Variants in UCMA observed in about 807,000 individuals in gnomAD.
UCMA encodes the protein upper zone of growth plate and cartilage matrix-associated protein.
UCMA carries 21 observed loss-of-function variants against 21.8 expected under a neutral mutation model. That is an observed-to-expected ratio of 0.97 (90% CI 0.68 to 1.39). The LOEUF is 1.39. Ranked by LOEUF, UCMA falls within the 40% of genes most tolerant of loss-of-function variation. UCMA has a pLI of 0.00. For missense variants in UCMA, 193 were observed against 178.9 expected (o/e 1.08, Z -0.45); for synonymous variants, 76 against 67.9 (o/e 1.12, Z -0.58).
rs138538694 is a variant in UCMA at position 13,234,304 on chromosome 10, G to A, written c.-46C>T. 5.4e-5 allele frequency: 86 copies of A among 1,602,692 alleles called. No individual in the cohort carries two copies. The African/African-American group carries it at 9.4e-4, about 17-fold the overall frequency. Reference sequence around the variant, plus strand: ...CGTCCAGGACCCACAAGGCAGACCAGGCGTCCTGCACCCTTTGGGTCCCCA... The same window carrying A: ...CGTCCAGGACCCACAAGGCAGACCAAGCGTCCTGCACCCTTTGGGTCCCCA... On this transcript the variant is annotated 5_prime_UTR_variant, in exon 1 of 5. Transcript: ENST00000378681.
At chr10:13,225,832 G>A (rs534856841) in intron 4 of UCMA, among the ~76,000 whole-genome samples, 32 of 151,960 alleles carry the variant, frequency 2.1e-4, no homozygotes, top group Non-Finnish European at 3.1e-4. Flanking sequence ...GCAGAACCCC[G>A]TGCAACATTG....
At chr10:13,224,721 G>A (rs1474749969) in intron 4 of UCMA, among the ~76,000 whole-genome samples, 1 of 152,214 alleles carries the variant, frequency 6.6e-6, no homozygotes, top group Non-Finnish European at 1.5e-5. Context: ...ATGTTGCTTT[G>A]GTCCTTAGCA....
intron 1 of UCMA, among the ~76,000 whole-genome samples, 174 bp from the exon 2 acceptor site, chr10:13,233,974 T>C (rs1173041592): frequency 1.3e-5 from 2 of 152,030 alleles, no homozygotes; most frequent in Non-Finnish European, 2.9e-5. Context: ...CCAAGCAAGC[T>C]GGCTTGGGTT....
At chr10:13,231,834 TG>T (rs964025270) in intron 3 of UCMA, among the ~76,000 whole-genome samples, 2 of 152,218 alleles carry the variant, frequency 1.3e-5, no homozygotes, top group African/African-American at 4.8e-5. Context: ...GCCTGTCTCC[TG>T]GTTCCAAATT....
chr10:13,228,773 T>A (rs750224379), intron 4 of UCMA, among the ~76,000 whole-genome samples: 1 of 152,012 alleles, frequency 6.6e-6, no homozygotes, highest in Non-Finnish European at 1.5e-5. Flanking sequence ...AGTGCGGTGA[T>A]GCCCAAATAG....
Position 13,230,514 on chromosome 10 carries a change from G to A in UCMA, c.221-805C>T, listed in dbSNP as rs894882828. On this transcript the variant is annotated intron_variant, in intron 3 of 4. Coordinates refer to ENST00000378681, the MANE Select transcript of UCMA (RefSeq NM_145314.3). ...TGGAGAAACCCATGAAGCCAGGGAG[G>A]CCACGTCTAGGGCAGGAAGAACCAG... 5.3e-5 allele frequency among the ~76,000 whole-genome samples: 8 copies of A among 152,308 alleles called. No individual in the cohort carries two copies. In the East Asian group the frequency reaches 1.3e-3, roughly 26 times the overall value.
At chr10:13,224,865 C>T (rs1009856941) in intron 4 of UCMA, among the ~76,000 whole-genome samples, 1 of 152,172 alleles carries the variant, frequency 6.6e-6, no homozygotes, top group South Asian at 2.1e-4. Flanking sequence ...GCTGGCCCTC[C>T]CCTTGGTGCT....
chr10:13,223,208 A>G (rs189347823), intron 4 of UCMA, among the ~76,000 whole-genome samples: 1 of 149,322 alleles, frequency 6.7e-6, no homozygotes, highest in Admixed American at 6.7e-5. Context: ...CCTGGGCGAC[A>G]GAGTGAGATC....
intron 3 of UCMA, among the ~76,000 whole-genome samples, chr10:13,230,816 G>A (rs1418830393): frequency 2.0e-5 from 3 of 152,228 alleles, no homozygotes; most frequent in Non-Finnish European, 4.4e-5. Flanking sequence ...CAGCACTTTG[G>A]GAGGCCGAGG....
intron 4 of UCMA, among the ~76,000 whole-genome samples, chr10:13,224,192 T>C (rs972408262): frequency 2.6e-5 from 4 of 152,038 alleles, no homozygotes; most frequent in African/African-American, 9.7e-5. Flanking sequence ...CCAGGTGTGA[T>C]AGCACTTGCC....
intron 4 of UCMA, among the ~76,000 whole-genome samples, chr10:13,223,637 TC>T (rs1157298098): frequency 1.3e-5 from 2 of 152,114 alleles, no homozygotes; most frequent in Admixed American, 6.5e-5. Context: ...CACTGTAACC[TC>T]CGCCTCCCAG....
At chr10:13,233,419 G>C in intron 3 of UCMA, 119 bp downstream of exon 3, 1 of 761,938 alleles carries the variant, frequency 1.3e-6, no homozygotes, top group Non-Finnish European at 2.3e-6. Context: ...GATACCCTGG[G>C]GTGAGCCCTT....
chr10:13,223,517 A>G (rs1351420344), intron 4 of UCMA, among the ~76,000 whole-genome samples: 1 of 152,148 alleles, frequency 6.6e-6, no homozygotes, highest in African/African-American at 2.4e-5. Context: ...AAAGATGAAT[A>G]ATGTATGATT....
intron 3 of UCMA, among the ~76,000 whole-genome samples, chr10:13,233,081 T>C (rs1032434301): frequency 1.3e-5 from 2 of 152,280 alleles, no homozygotes; most frequent in South Asian, 2.1e-4. Context: ...CAGCACCCAG[T>C]GTCCTGTGCC....
rs1018731297 is a variant in UCMA at position 13,221,915 on chromosome 10, A to G, written c.*188T>C. ...TGCTCACCTCAGAAGATGGTCTGCA[A>G]AGAGGTGAAAGTCAGGACACTTTCA... is the stretch of plus-strand genomic sequence containing the variant. On this transcript the variant is annotated 3_prime_UTR_variant, in exon 5 of 5. Coordinates refer to ENST00000378681, the MANE Select transcript of UCMA (RefSeq NM_145314.3). The G allele has an allele frequency of 6.5e-6, 4 of 616,922 alleles. No homozygotes were observed. The highest frequency in any genetic ancestry group is 1.8e-5 in the African/African-American group (1 of 54,232). 38.2% of individuals were successfully genotyped at this position (616,922 alleles called of 1,614,324 possible).
At chr10:13,227,516 G>A (rs1214668889) in intron 4 of UCMA, among the ~76,000 whole-genome samples, 3 of 152,136 alleles carry the variant, frequency 2.0e-5, no homozygotes, top group East Asian at 1.9e-4. Flanking sequence ...TCAGGAGTTC[G>A]TGACCAGCCT....
chr10:13,227,591 A>G (rs1416731469), intron 4 of UCMA, among the ~76,000 whole-genome samples: 3 of 151,576 alleles, frequency 2.0e-5, no homozygotes, highest in Non-Finnish European at 4.4e-5. Context: ...AGCGGTGCAC[A>G]CCTGTAATCC....
chr10:13,229,732 A>T (rs1332624046), intron 3 of UCMA, 23 bp from the exon 4 acceptor site: 1 of 1,609,028 alleles, frequency 6.2e-7, no homozygotes, highest in South Asian at 1.1e-5. Context: ...AAGAAGCAAG[A>T]GTTGCCCCTC....
intron 4 of UCMA, among the ~76,000 whole-genome samples, chr10:13,228,122 C>T (rs1403574963): frequency 1.3e-5 from 2 of 151,632 alleles, no homozygotes; most frequent in African/African-American, 2.4e-5. Context: ...TGCGGTGGTG[C>T]AATCTTGGCT....
Sources: allele counts gnomAD v4.1 joint callset (sites outside exome capture counted in the v4.1 genomes callset), GRCh38; gene constraint gnomAD v4.1.1; transcripts MANE v1.5; gene names NCBI Gene and HGNC (gene_info 2026-07-23, HGNC 2026-07-21).